Variants in AGGF1 observed in about 807,000 individuals in gnomAD.
AGGF1 encodes the protein angiogenic factor with G patch and FHA domains 1.
Under a neutral mutation model 86.5 loss-of-function variants are expected in AGGF1, and 56 were observed. The observed-to-expected ratio is 0.65, with a 90% CI of 0.52 to 0.81. The LOEUF (loss-of-function observed/expected upper bound fraction) is 0.81, where lower values mean the gene tolerates loss of function less well. Ranked by LOEUF, AGGF1 falls within the 30% of genes least tolerant of loss-of-function variation. The pLI is 0.00. For missense variants in AGGF1, 816 were observed against 850.9 expected (o/e 0.96, Z 0.51); for synonymous variants, 313 against 297.1 (o/e 1.05, Z -0.55).
chr5:77,055,666 A>G (rs1330545465), intron 11 of AGGF1, 70 bp downstream of exon 11: 1 of 1,056,028 alleles, frequency 9.5e-7, no homozygotes, highest in Non-Finnish European at 1.4e-6. Context: ...GTCTTTAAAT[A>G]TGCTCAGTAC....
At chr5:77,034,278 ATAAT>A in intron 1 of AGGF1, 136 bp from the exon 2 acceptor site, 1 of 653,020 alleles carries the variant, frequency 1.5e-6, no homozygotes, top group Non-Finnish European at 2.7e-6. Flanking sequence ...AAGTAAAATA[ATAAT>A]TTTAGCTTTT....
intron 6 of AGGF1, 94 bp from the exon 7 acceptor site, chr5:77,048,065 AAC>A: frequency 2.4e-6 from 2 of 845,520 alleles, no homozygotes; most frequent in Non-Finnish European, 4.0e-6. Context: ...ATTTTTGACC[AAC>A]ACATTTTTAT....
At chr5:77,043,916 C>T (rs2150730625) in intron 5 of AGGF1, among the ~76,000 whole-genome samples, 1 of 142,572 alleles carries the variant, frequency 7.0e-6, no homozygotes, top group East Asian at 2.1e-4. Context: ...CTCGGCCGGG[C>T]AGAGGCGCTC....
chr5:77,030,537 A>C lies in AGGF1; in HGVS notation c.-230A>C, dbSNP rs1189911555. 1 of 692,446 alleles carries C rather than the reference A, an allele frequency of 1.4e-6. No individual in the cohort carries two copies. The highest frequency in any genetic ancestry group is 1.5e-5 in the South Asian group (1 of 66,710). 42.9% of individuals were successfully genotyped at this position (692,446 alleles called of 1,614,324 possible). ...TTTCCAGGAAAGTTTTCCGGTTTGC[A>C]GGCCGCGCACATCGGGCAGGGGCCA... On this transcript the variant is annotated 5_prime_UTR_variant, in exon 1 of 14. Coordinates refer to ENST00000312916, the MANE Select transcript of AGGF1 (RefSeq NM_018046.5).
chr5:77,032,252 TA>T (rs35068401), intron 1 of AGGF1, among the ~76,000 whole-genome samples: 3,088 of 107,812 alleles, frequency 0.029, 96 homozygotes, highest in African/African-American at 0.098. Context: ...ACAAATATGG[TA>T]AAAAAAAAAA....
chr5:77,034,732 A>G lies in AGGF1; in HGVS notation c.313+212A>G, dbSNP rs147077092. Among the ~76,000 whole-genome samples, 899 of 152,330 alleles carry G rather than the reference A, an allele frequency of 5.9e-3. 4 individuals carry two copies. The highest frequency in any genetic ancestry group is 0.011 in the African/African-American group (439 of 41,590). On this transcript the variant is annotated intron_variant, in intron 2 of 13. Coordinates refer to ENST00000312916, the MANE Select transcript of AGGF1 (RefSeq NM_018046.5). The stretch of plus-strand genomic sequence containing the variant: ...ATGTATTGTCATTCCTGTGATTTCT[A>G]TAATGTTGCTAATGTTTTCAGTGGC...
intron 1 of AGGF1, among the ~76,000 whole-genome samples, chr5:77,033,238 AATG>A (rs1746904517): frequency 1.3e-5 from 2 of 152,228 alleles, no homozygotes; most frequent in South Asian, 4.1e-4. Context: ...TTTGCTTGAG[AATG>A]ATAACTGGAG....
chr5:77,045,958 T>A (rs759505111), intron 5 of AGGF1, among the ~76,000 whole-genome samples: 2 of 152,232 alleles, frequency 1.3e-5, no homozygotes, highest in Non-Finnish European at 1.5e-5. Flanking sequence ...ATGGTTTGTG[T>A]TACATTTTTA....
At chr5:77,031,366 A>T (rs1221251472) in intron 1 of AGGF1, among the ~76,000 whole-genome samples, 1 of 152,220 alleles carries the variant, frequency 6.6e-6, no homozygotes. Context: ...ACCGAGTCTC[A>T]GTTCCCCATT....
intron 6 of AGGF1, among the ~76,000 whole-genome samples, chr5:77,047,563 G>T (rs1311552291): frequency 6.6e-6 from 1 of 151,972 alleles, no homozygotes; most frequent in Non-Finnish European, 1.5e-5. Flanking sequence ...GCCCAGGCTG[G>T]AGTGCAGTGG....
At chr5:77,038,378 G>A (rs928776765) in intron 4 of AGGF1, among the ~76,000 whole-genome samples, 3 of 152,152 alleles carry the variant, frequency 2.0e-5, no homozygotes, top group Admixed American at 6.5e-5. Flanking sequence ...TTTTGTAAAT[G>A]GTTAGTACGT....
chr5:77,065,166 G>A lies in AGGF1; in HGVS notation c.*1914G>A, dbSNP rs1430399910. The A allele has an allele frequency of 1.2e-4, 19 of 152,166 alleles. No homozygotes were observed. The highest frequency in any genetic ancestry group is 1.2e-3 in the Admixed American group (19 of 15,280). The allele number at this position is 152,166 out of a possible 1,614,324, so 9.4% of individuals were successfully genotyped here. On this transcript the variant is annotated 3_prime_UTR_variant, in exon 14 of 14. Coordinates refer to ENST00000312916, the MANE Select transcript of AGGF1 (RefSeq NM_018046.5). ...GTAGTACAGATGTGAGCTTCTATTTGTTTAGAAGCATAAATGTGAATTATA... is the reference window on the plus strand; with the variant it reads ...GTAGTACAGATGTGAGCTTCTATTTATTTAGAAGCATAAATGTGAATTATA...
intron 5 of AGGF1, among the ~76,000 whole-genome samples, chr5:77,041,586 A>G (rs112213310): frequency 1.7e-4 from 25 of 147,914 alleles, no homozygotes; most frequent in Admixed American, 5.4e-4. Context: ...AAAAAAAAAA[A>G]GAAGAAGGCT....
Position 77,064,429 on chromosome 5 carries a change from C to T in AGGF1, c.*1177C>T, listed in dbSNP as rs991587779. ...GAATATTCTGAAAATAAAAATTATA[C>T]AGTAGTAAAGATAATTCAGAAAGAA... On this transcript the variant is annotated 3_prime_UTR_variant, in exon 14 of 14. Transcript: ENST00000312916. 6 of 152,090 alleles carry T rather than the reference C, an allele frequency of 3.9e-5. No individual in the cohort carries two copies. The highest frequency in any genetic ancestry group is 3.3e-4 in the Admixed American group (5 of 15,262). 9.4% of individuals were successfully genotyped at this position (152,090 alleles called of 1,614,324 possible).
chr5:77,037,356 A>G (rs182626407), intron 4 of AGGF1, among the ~76,000 whole-genome samples: 5 of 152,362 alleles, frequency 3.3e-5, no homozygotes, highest in Admixed American at 3.3e-4. Context: ...AGAATTTTAA[A>G]AATTATATCA....
chr5:77,047,548 C>G (rs1002776358), intron 6 of AGGF1, among the ~76,000 whole-genome samples: 1 of 152,160 alleles, frequency 6.6e-6, no homozygotes. Flanking sequence ...GAGCCTTGCT[C>G]TATTGCCCAG....
chr5:77,032,563 C>CA (rs4025997), intron 1 of AGGF1, among the ~76,000 whole-genome samples: 32,643 of 93,632 alleles, frequency 0.35, 5,693 homozygotes, highest in South Asian at 0.48. Flanking sequence ...GACTCCGTCT[C>CA]AAAAAAAAAA....
At chr5:77,057,603 T>TA (rs1378412644) in intron 11 of AGGF1, among the ~76,000 whole-genome samples, 1 of 152,186 alleles carries the variant, frequency 6.6e-6, no homozygotes, top group Admixed American at 6.5e-5. Context: ...GAAGCAAACT[T>TA]ACTACTTACA....
chr5:77,044,229 G>A, intron 5 of AGGF1, among the ~76,000 whole-genome samples: 1 of 151,288 alleles, frequency 6.6e-6, no homozygotes, highest in Non-Finnish European at 1.5e-5. Context: ...CAGGGCAGGC[G>A]GCTGGGAGGT....
Sources: gnomAD v4.1 joint callset for allele counts (sites outside exome capture counted in the v4.1 genomes callset) on GRCh38, gnomAD v4.1.1 for gene constraint, MANE v1.5 for transcripts, NCBI Gene and HGNC (gene_info 2026-07-23, HGNC 2026-07-21) for gene names.